HEATR5B: variants seen among roughly 807,000 people sequenced by gnomAD.
HEATR5B encodes the protein HEAT repeat-containing protein 5B.
HEATR5B carries 156 observed loss-of-function variants against 224.1 expected under a neutral mutation model. The ratio of observed to expected loss-of-function variants is 0.70; its 90% CI spans 0.61 to 0.80. The LOEUF is 0.80. Among genes scored for constraint, HEATR5B ranks in the 30% least tolerant of loss-of-function variants. The pLI, the probability that HEATR5B is intolerant of heterozygous loss-of-function variation, is 0.00. For synonymous variants in HEATR5B, 1,027 were observed against 893.0 expected (o/e 1.15, Z -2.68); for missense variants, 2,323 against 2,535.5 (o/e 0.92, Z 1.80).
In HEATR5B at chr2:37,070,195, T is replaced by G. The variant is rs766043750; in HGVS notation, c.927+35A>C. The G allele has an allele frequency of 5.0e-6, 8 of 1,610,384 alleles. No homozygotes were observed. The South Asian group carries it at 7.7e-5, about 15-fold the overall frequency. The stretch of plus-strand genomic sequence containing the variant: ...GATTACAGGCGTGAGCCACCGTGCC[T>G]GGCCAAAATTCTTTCACACATACGT... On this transcript the variant is annotated intron_variant, in intron 7 of 35. Coordinates refer to ENST00000233099, the MANE Select transcript of HEATR5B (RefSeq NM_019024.3).
intron 35 of HEATR5B, among the ~76,000 whole-genome samples, chr2:36,984,595 A>G (rs1185269092): frequency 1.3e-5 from 2 of 152,162 alleles, no homozygotes; most frequent in Non-Finnish European, 2.9e-5. Flanking sequence ...TAAGAAAAAA[A>G]TAAGAGAAAA....
At chr2:36,994,552 T>C (rs1666557481) in intron 33 of HEATR5B, among the ~76,000 whole-genome samples, 1 of 152,186 alleles carries the variant, frequency 6.6e-6, no homozygotes, top group African/African-American at 2.4e-5. Context: ...CCCTACTTCA[T>C]AACTGGCTGT....
intron 35 of HEATR5B, among the ~76,000 whole-genome samples, chr2:36,986,037 G>T (rs999633019): frequency 1.3e-5 from 2 of 151,800 alleles, no homozygotes; most frequent in Non-Finnish European, 2.9e-5. Context: ...CCAAATTAGG[G>T]TGCCTGTAAA....
At chr2:36,989,021 C>T (rs765976882) in intron 34 of HEATR5B, among the ~76,000 whole-genome samples, 162 bp from the exon 35 acceptor site, 8 of 152,150 alleles carry the variant, frequency 5.3e-5, no homozygotes, top group Non-Finnish European at 1.2e-4. Context: ...AATTTTGTGA[C>T]AAAAATTAGT....
In HEATR5B at chr2:36,999,730, C is replaced by T. The variant is rs992013469; in HGVS notation, c.5545+856G>A. Among the ~76,000 whole-genome samples the T allele has an allele frequency of 4.6e-5, 7 of 151,560 alleles. No individual in the cohort carries two copies. In the East Asian group the frequency reaches 5.9e-4, roughly 13 times the overall value. On this transcript the variant is annotated intron_variant, in intron 33 of 35. Transcript: ENST00000233099. ...ATACATGTATATATTTAAAACCTCC[C>T]GGCCGGGTGCGGTAGCTCACGTCTG...
chr2:37,079,578 T>C (rs1344768428), intron 2 of HEATR5B, among the ~76,000 whole-genome samples: 2 of 152,180 alleles, frequency 1.3e-5, no homozygotes, highest in African/African-American at 2.4e-5. Context: ...AAAGTGACTC[T>C]GATTCAAAAA....
At chr2:37,041,484 T>C (rs902274185) in intron 18 of HEATR5B, among the ~76,000 whole-genome samples, 192 bp from the exon 19 acceptor site, 1 of 152,214 alleles carries the variant, frequency 6.6e-6, no homozygotes, top group Non-Finnish European at 1.5e-5. Flanking sequence ...TCATGGCTCA[T>C]GCCTGTAATC....
chr2:37,065,801 C>A lies in HEATR5B; in HGVS notation c.1287G>T (p.Gln429His). 1 of 1,614,006 alleles carries A rather than the reference C, an allele frequency of 6.2e-7. No individual in the cohort carries two copies. Among genetic ancestry groups the A allele is most frequent in the Non-Finnish European group, 8.5e-7 (1 of 1,179,896 alleles). The change falls in exon 9 of 36, where the codon CAG becomes CAT. Residue 429 changes from glutamine to histidine, a missense_variant. Physicochemically the swap from Gln to His is conservative, Grantham distance 24 (BLOSUM62 0). Transcript: ENST00000233099. ...GAGGGGATGCGGTGGCATTCAAGCT[C>A]TGCACCAGGCTCCCGAGTTCCTGGA... ...CALQELGSLV[Q>H]SLNATASPLI...
chr2:37,073,217 AAT>A (rs1408669275), intron 5 of HEATR5B, among the ~76,000 whole-genome samples: 4 of 152,210 alleles, frequency 2.6e-5, no homozygotes, highest in African/African-American at 9.6e-5. Flanking sequence ...TAGCAAATCT[AAT>A]ACAATAATAT....
At chr2:37,042,951 G>A (rs1157860452) in intron 18 of HEATR5B, among the ~76,000 whole-genome samples, 7 of 149,968 alleles carry the variant, frequency 4.7e-5, no homozygotes, top group Non-Finnish European at 1.5e-5. Context: ...CAAAGCTGAA[G>A]ACCACACCCA....
intron 31 of HEATR5B, among the ~76,000 whole-genome samples, chr2:37,003,248 C>T (rs1667202542): frequency 8.5e-6 from 1 of 118,224 alleles, no homozygotes; most frequent in African/African-American, 3.6e-5. Flanking sequence ...GAGAGTAAGA[C>T]TGTCCCGCCC....
chr2:37,028,287 G>A lies in HEATR5B; in HGVS notation c.3602-113C>T, dbSNP rs946635954. 8 of 626,116 alleles carry A rather than the reference G, an allele frequency of 1.3e-5. No homozygotes were observed. In the African/African-American group the frequency reaches 1.5e-4, roughly 12 times the overall value. The allele number at this position is 626,116 out of a possible 1,614,324, so 38.8% of individuals were successfully genotyped here. On this transcript the variant is annotated intron_variant, in intron 23 of 35. Transcript: ENST00000233099. ...TTAAAAAAAGACTAAATTCTTACTT[G>A]CTGGAAAACAGTAAAACTAGCAGAA... is the stretch of plus-strand genomic sequence containing the variant.
At chr2:37,078,340 TA>T (rs1672359349) in intron 3 of HEATR5B, among the ~76,000 whole-genome samples, 1 of 152,172 alleles carries the variant, frequency 6.6e-6, no homozygotes. Flanking sequence ...ATAATAAATT[TA>T]AAATGACTGG....
chr2:37,030,937 G>A (rs1018747414), intron 22 of HEATR5B, among the ~76,000 whole-genome samples: 2 of 152,188 alleles, frequency 1.3e-5, no homozygotes, highest in East Asian at 1.9e-4. Context: ...AAAGTGGCTC[G>A]CTGTACCTAA....
Position 36,981,797 on chromosome 2 carries a change from GTAAATAA to G in HEATR5B, c.5912-10_5912-4del. On this transcript the variant is annotated splice_region_variant and splice_polypyrimidine_tract_variant and intron_variant, in intron 35 of 35. Coordinates refer to ENST00000233099, the MANE Select transcript of HEATR5B (RefSeq NM_019024.3). ...TAAAAGAGCAAGTAGCTGGACTCCT[GTAAATAA>G]TAAAGTATGAAAAAAGATCACAAAC... 6.3e-7 allele frequency: 1 copy of G among 1,584,538 alleles called. No individual in the cohort carries two copies.
intron 2 of HEATR5B, among the ~76,000 whole-genome samples, chr2:37,082,315 G>C (rs1316848677): frequency 6.6e-6 from 1 of 151,770 alleles, no homozygotes; most frequent in Non-Finnish European, 1.5e-5. Context: ...CCTGACCTCA[G>C]GTGATCCACC....
In HEATR5B at chr2:37,056,700, G is replaced by A. The variant is rs1670933036; in HGVS notation, c.2224-85C>T. On this transcript the variant is annotated intron_variant, in intron 15 of 35. Transcript: ENST00000233099. ...CATTGGGAATGAGGATTACAGCAGA[G>A]GAGAAAGGAGAAAAGGCAACAAAAA... 8 of 1,094,976 alleles carry A rather than the reference G, an allele frequency of 7.3e-6. No individual in the cohort carries two copies. The Admixed American group carries it at 1.8e-4, about 24-fold the overall frequency. The allele number at this position is 1,094,976 out of a possible 1,614,324, so 67.8% of individuals were successfully genotyped here. A position where few individuals can be genotyped will look rare whatever the true frequency, so the allele number is the denominator to read the frequency against.
intron 35 of HEATR5B, among the ~76,000 whole-genome samples, chr2:36,984,719 T>A (rs921500704): frequency 1.3e-5 from 2 of 152,084 alleles, no homozygotes; most frequent in African/African-American, 4.8e-5. Flanking sequence ...GAAAAAATAT[T>A]TTGAAAAGCA....
At chr2:37,052,727 G>T (rs1007748398) in intron 17 of HEATR5B, among the ~76,000 whole-genome samples, 1 of 152,178 alleles carries the variant, frequency 6.6e-6, no homozygotes, top group Non-Finnish European at 1.5e-5. Context: ...CACTGCAGCA[G>T]CCCATCTGAT....
Sources: gnomAD v4.1 joint callset for allele counts (sites outside exome capture counted in the v4.1 genomes callset) on GRCh38, gnomAD v4.1.1 for gene constraint, MANE v1.5 for transcripts, NCBI Gene and HGNC (gene_info 2026-07-23, HGNC 2026-07-21) for gene names.